SMIM21: variants seen among roughly 807,000 people sequenced by gnomAD.
SMIM21 encodes the protein chromosome 18 open reading frame 62.
A neutral mutation model predicts 8.6 loss-of-function variants in SMIM21; 8 were observed. The observed-to-expected ratio is 0.93, with a 90% confidence interval of 0.55 to 1.68. SMIM21 has a LOEUF of 1.68. SMIM21 is among the 40% of genes most tolerant of loss of function. The probability of loss-of-function intolerance (pLI) is 0.00; values close to 1 mark genes in which losing one functional copy is unlikely to be tolerated. For synonymous variants in SMIM21, 43 were observed against 41.7 expected, an observed-to-expected ratio of 1.03 and a Z score of -0.12; for missense variants, 132 against 123.0, an observed-to-expected ratio of 1.07 and a Z score of -0.35.
intron 1 of SMIM21, among the ~76,000 whole-genome samples, chr18:75,419,350 A>G (rs754951465): frequency 6.6e-6 from 1 of 152,190 alleles, no homozygotes; most frequent in African/African-American, 2.4e-5. Context: ...GAGCATATAC[A>G]TCACTGACTG....
chr18:75,421,039 A>G (rs951599126), intron 1 of SMIM21, among the ~76,000 whole-genome samples: 1 of 152,220 alleles, frequency 6.6e-6, no homozygotes, highest in Non-Finnish European at 1.5e-5. Context: ...TGTGAAGTGC[A>G]TGGAGGCACC....
chr18:75,413,765 T>A (rs1032759531), intron 2 of SMIM21, among the ~76,000 whole-genome samples: 10 of 152,178 alleles, frequency 6.6e-5, no homozygotes, highest in African/African-American at 2.2e-4. Flanking sequence ...GGGCCATCCT[T>A]GCTTGACTTA....
intron 1 of SMIM21, among the ~76,000 whole-genome samples, chr18:75,422,061 C>T (rs1044319425): frequency 2.2e-4 from 33 of 152,292 alleles, no homozygotes; most frequent in Non-Finnish European, 4.4e-4. Context: ...AGAGTTCGGA[C>T]TCCTTGGGGA....
intron 1 of SMIM21, among the ~76,000 whole-genome samples, chr18:75,425,604 G>T (rs1447759089): frequency 6.6e-6 from 1 of 152,170 alleles, no homozygotes; most frequent in Non-Finnish European, 1.5e-5. Flanking sequence ...AACATTTTGT[G>T]GTTTAACAGC....
chr18:75,427,538 G>A lies in SMIM21; in HGVS notation c.26C>T (p.Pro9Leu). 3 of 1,613,260 alleles carry A rather than the reference G, an allele frequency of 1.9e-6. No individual in the cohort carries two copies. The highest frequency in any genetic ancestry group is 2.5e-6 in the Non-Finnish European group (3 of 1,179,734). Reference sequence around the variant, plus strand: ...CAGCTGTGCTATAGGGAATCGGGGAGGAGCTGTGGACACATACTGGTCCAT... The same window carrying A: ...CAGCTGTGCTATAGGGAATCGGGGAAGAGCTGTGGACACATACTGGTCCAT... Reference protein sequence around the residue: MDQYVSTAPPRFPIAQLGT... With the variant: MDQYVSTALPRFPIAQLGT... Residue 9 changes from proline (P) to leucine (L), a missense_variant, in exon 1 of 3, where the codon CCT becomes CTT. Coordinates refer to ENST00000579022, the MANE Select transcript of SMIM21 (RefSeq NM_001037331.3).
intron 1 of SMIM21, among the ~76,000 whole-genome samples, chr18:75,426,661 A>G (rs1414464766): frequency 7.2e-6 from 1 of 138,872 alleles, no homozygotes; most frequent in Non-Finnish European, 1.5e-5. Context: ...AAAAAAAAAA[A>G]AAAAAAAAAA....
chr18:75,410,917 A>T lies in SMIM21; in HGVS notation c.261-8T>A, dbSNP rs572506925. The T allele has an allele frequency of 3.1e-6, 5 of 1,614,130 alleles. No individual in the cohort carries two copies. The South Asian group carries it at 5.5e-5, about 18-fold the overall frequency. On this transcript the variant is annotated splice_region_variant and splice_polypyrimidine_tract_variant and intron_variant, in intron 2 of 2. Transcript: ENST00000579022. ...GACTTCAAACGTAGAAAGCTGCAAG[A>T]GACAAAAGGGGGAAAAAGCATTTTA...
chr18:75,410,072 C>T lies in SMIM21; in HGVS notation c.*792G>A, dbSNP rs2024566553. 1 of 152,656 alleles carries T rather than the reference C, an allele frequency of 6.6e-6. No homozygotes were observed. The highest frequency in any genetic ancestry group is 1.5e-5 in the Non-Finnish European group (1 of 68,050). 9.5% of individuals were successfully genotyped at this position (152,656 alleles called of 1,614,324 possible). A position where few individuals can be genotyped will look rare whatever the true frequency, so the allele number is the denominator to read the frequency against. On this transcript the variant is annotated 3_prime_UTR_variant, in exon 3 of 3. Transcript: ENST00000579022. ...CTTTTCATTTCCAGCTGGCACAGAGCTTTAGCACCTTAAGTTGCTCAATTT... is the reference window on the plus strand; with the variant it reads ...CTTTTCATTTCCAGCTGGCACAGAGTTTTAGCACCTTAAGTTGCTCAATTT...
intron 1 of SMIM21, among the ~76,000 whole-genome samples, chr18:75,425,849 G>A (rs1292393142): frequency 6.6e-6 from 1 of 152,214 alleles, no homozygotes. Flanking sequence ...GAAATCAAGA[G>A]TTGAAGATGG....
chr18:75,411,000 A>G lies in SMIM21; in HGVS notation c.261-91T>C, dbSNP rs531476883. 33 of 1,515,764 alleles carry G rather than the reference A, an allele frequency of 2.2e-5. No homozygotes were observed. The Admixed American group carries it at 6.1e-4, about 28-fold the overall frequency. The allele number at this position is 1,515,764 out of a possible 1,614,324, so 93.9% of individuals were successfully genotyped here. A position where few individuals can be genotyped will look rare whatever the true frequency, so the allele number is the denominator to read the frequency against. ...TAAAATTGACCATTTGTTTTTATCTAATGAACACATTTTAAAATTTAATTT... is the reference window on the plus strand; with the variant it reads ...TAAAATTGACCATTTGTTTTTATCTGATGAACACATTTTAAAATTTAATTT... On this transcript the variant is annotated intron_variant, in intron 2 of 2. Transcript: ENST00000579022.
chr18:75,422,351 G>GT lies in SMIM21; in HGVS notation c.130-3436dup, dbSNP rs201515508. On this transcript the variant is annotated intron_variant, in intron 1 of 2. Transcript: ENST00000579022. ...GCATCAACTGAACATTTAACCCCCA[G>GT]TTTTTTTTTTTAATCAAAAGAAACT... 4.4e-3 allele frequency among the ~76,000 whole-genome samples: 642 copies of GT among 146,698 alleles called. 5 individuals carry two copies. The highest frequency in any genetic ancestry group is 0.028 in the Admixed American group (408 of 14,670).
intron 1 of SMIM21, among the ~76,000 whole-genome samples, chr18:75,423,183 G>A (rs562240599): frequency 1.2e-4 from 19 of 152,256 alleles, no homozygotes; most frequent in African/African-American, 4.6e-4. Flanking sequence ...ACTTCCCAGA[G>A]GTTTTACACA....
chr18:75,410,596 C>T lies in SMIM21; in HGVS notation c.*268G>A, dbSNP rs112618211. ...TTGCACTGCTGGATCTGTTTCGACA[C>T]GCAGGGCAGATTTCGCAGGGTTGGG... On this transcript the variant is annotated 3_prime_UTR_variant, in exon 3 of 3. Coordinates refer to ENST00000579022, the MANE Select transcript of SMIM21 (RefSeq NM_001037331.3). 5.8e-5 allele frequency: 41 copies of T among 709,522 alleles called. No individual in the cohort carries two copies. Among genetic ancestry groups the T allele is most frequent in the African/African-American group, 4.0e-4 (22 of 55,452 alleles). 44.0% of individuals were successfully genotyped at this position (709,522 alleles called of 1,614,324 possible).
At chr18:75,418,333 C>G in intron 2 of SMIM21, 1 of 394,078 alleles carries the variant, frequency 2.5e-6, no homozygotes, top group Non-Finnish European at 4.5e-6. Context: ...GAAATAAACT[C>G]AAAGAAGGGC....
In SMIM21 at chr18:75,410,696, T is replaced by C; in HGVS notation, c.*168A>G. 1 of 1,428,456 alleles carries C rather than the reference T, an allele frequency of 7.0e-7. No homozygotes were observed. Among genetic ancestry groups the C allele is most frequent in the South Asian group, 1.6e-5 (1 of 61,764 alleles). 88.5% of individuals were successfully genotyped at this position (1,428,456 alleles called of 1,614,324 possible). A position where few individuals can be genotyped will look rare whatever the true frequency, so the allele number is the denominator to read the frequency against. On this transcript the variant is annotated 3_prime_UTR_variant, in exon 3 of 3. Coordinates refer to ENST00000579022, the MANE Select transcript of SMIM21 (RefSeq NM_001037331.3). ...GTGCCCCTCAAGAACAAAGCAGACA[T>C]TATCATTGCAAAAAGTTACACGTTC... is the stretch of plus-strand genomic sequence containing the variant.
intron 2 of SMIM21, among the ~76,000 whole-genome samples, chr18:75,414,096 CAT>C (rs777922495): frequency 0.019 from 2,651 of 138,054 alleles, 49 homozygotes; most frequent in East Asian, 0.061. Context: ...CACACACACA[CAT>C]ACACACACAC....
At chr18:75,422,782 G>A (rs901015500) in intron 1 of SMIM21, among the ~76,000 whole-genome samples, 3 of 152,288 alleles carry the variant, frequency 2.0e-5, no homozygotes, top group Admixed American at 2.0e-4. Flanking sequence ...ACAGGATGTG[G>A]TTGTCAGGGT....
chr18:75,426,485 A>T (rs2024763481), intron 1 of SMIM21, among the ~76,000 whole-genome samples: 1 of 151,516 alleles, frequency 6.6e-6, no homozygotes, highest in African/African-American at 2.4e-5. Context: ...AATTTTTTGT[A>T]TTTCTAGTAG....
chr18:75,425,319 A>C (rs1157791415), intron 1 of SMIM21, among the ~76,000 whole-genome samples: 1 of 152,212 alleles, frequency 6.6e-6, no homozygotes, highest in Non-Finnish European at 1.5e-5. Context: ...AATACCTAAG[A>C]AGAAATTAAA....
Sources: gnomAD v4.1 joint callset for allele counts (sites outside exome capture counted in the v4.1 genomes callset) on GRCh38, gnomAD v4.1.1 for gene constraint, MANE v1.5 for transcripts, NCBI Gene and HGNC (gene_info 2026-07-23, HGNC 2026-07-21) for gene names.